The following VPS45 variants were observed in gnomAD, a reference collection of about 807,000 sequenced individuals.
The protein encoded by VPS45 is vacuolar protein sorting 45 homolog, also known as vacuolar protein sorting-associated protein 45.
VPS45 carries 35 observed loss-of-function variants against 75.9 expected under a neutral mutation model. The ratio of observed to expected loss-of-function variants is 0.46; its 90% confidence interval spans 0.35 to 0.61. The LOEUF (loss-of-function observed/expected upper bound fraction) is 0.61, where lower values mean the gene tolerates loss of function less well. Among genes scored for constraint, VPS45 ranks in the 20% least tolerant of loss-of-function variants. The probability of loss-of-function intolerance (pLI) is 0.00; values close to 1 mark genes in which losing one functional copy is unlikely to be tolerated. For synonymous variants in VPS45, 220 were observed against 238.2 expected, an observed-to-expected ratio of 0.92 and a Z score of 0.70; for missense variants, 559 against 685.9, an observed-to-expected ratio of 0.81 and a Z score of 2.07.
chr1:150,095,308 G>C (rs1433467313), intron 13 of VPS45, among the ~76,000 whole-genome samples: 1 of 152,126 alleles, frequency 6.6e-6, no homozygotes, highest in Non-Finnish European at 1.5e-5. Context: ...TTTAAGATGA[G>C]CTTTGAGTCA....
At chr1:150,139,465 A>G (rs1553814691) in intron 14 of VPS45, among the ~76,000 whole-genome samples, 1 of 152,018 alleles carries the variant, frequency 6.6e-6, no homozygotes, top group Non-Finnish European at 1.5e-5. Context: ...TTCCTTGGGT[A>G]CTAGTTTTTG....
At chr1:150,114,450 A>G (rs1553807834) in intron 14 of VPS45, among the ~76,000 whole-genome samples, 1 of 138,266 alleles carries the variant, frequency 7.2e-6, no homozygotes, top group Non-Finnish European at 1.5e-5. Flanking sequence ...CCTGGGCAAC[A>G]GAGCAAAACA....
intron 2 of VPS45, among the ~76,000 whole-genome samples, chr1:150,071,249 A>G (rs1455107666): frequency 2.0e-5 from 3 of 152,170 alleles, no homozygotes; most frequent in Non-Finnish European, 4.4e-5. Context: ...ATCTTATGTA[A>G]TTGGAATCTT....
In VPS45 at chr1:150,067,852, G is replaced by T. The variant is rs370949666; in HGVS notation, c.-6G>T. On this transcript the variant is annotated 5_prime_UTR_variant, in exon 1 of 15. Transcript: ENST00000644510. ...AGGGCTGTAGGGTACTTGTCAATTCGCCGCCATGAACGTGGTTTTTGCTGT... is the reference window on the plus strand; with the variant it reads ...AGGGCTGTAGGGTACTTGTCAATTCTCCGCCATGAACGTGGTTTTTGCTGT... 132 of 1,613,818 alleles carry T rather than the reference G, an allele frequency of 8.2e-5. No homozygotes were observed. The highest frequency in any genetic ancestry group is 1.1e-4 in the Non-Finnish European group (125 of 1,179,890).
intron 14 of VPS45, among the ~76,000 whole-genome samples, chr1:150,114,572 C>G (rs1657821975): frequency 2.6e-5 from 1 of 38,682 alleles, no homozygotes; most frequent in Non-Finnish European, 4.4e-5. Flanking sequence ...TAGAGTGACT[C>G]TGTTTCTAAA....
intron 12 of VPS45, among the ~76,000 whole-genome samples, chr1:150,093,070 A>T (rs955256327): frequency 6.6e-6 from 1 of 151,412 alleles, no homozygotes; most frequent in African/African-American, 2.4e-5. Flanking sequence ...ATGGTCTCGA[A>T]CTCCTGACCT....
At chr1:150,097,786 A>G (rs1553803346) in intron 13 of VPS45, among the ~76,000 whole-genome samples, 1 of 152,002 alleles carries the variant, frequency 6.6e-6, no homozygotes, top group East Asian at 1.9e-4. Context: ...ATACATATGT[A>G]TGTATATTAT....
At chr1:150,092,252 T>C (rs782805840) in intron 11 of VPS45, 50 bp from the exon 12 acceptor site, 9 of 1,568,654 alleles carry the variant, frequency 5.7e-6, no homozygotes, top group Non-Finnish European at 6.9e-6. Flanking sequence ...TCTTATGAAA[T>C]GGGCTTCCTG....
At chr1:150,126,090 T>G (rs587667833) in intron 14 of VPS45, among the ~76,000 whole-genome samples, 30 of 152,286 alleles carry the variant, frequency 2.0e-4, no homozygotes, top group East Asian at 1.5e-3. Flanking sequence ...AAACGTATAG[T>G]GAGGCAGTCT....
At chr1:150,078,342 A>G (rs1292757686) in intron 7 of VPS45, among the ~76,000 whole-genome samples, 2 of 152,198 alleles carry the variant, frequency 1.3e-5, no homozygotes, top group Non-Finnish European at 2.9e-5. Context: ...AGAGTTCACC[A>G]CTTACATAGA....
chr1:150,135,905 C>T (rs1659056096), intron 14 of VPS45, among the ~76,000 whole-genome samples: 1 of 151,578 alleles, frequency 6.6e-6, no homozygotes, highest in Non-Finnish European at 1.5e-5. Context: ...TCCCAAAGTG[C>T]TGGGATTACA....
intron 13 of VPS45, among the ~76,000 whole-genome samples, chr1:150,103,649 T>TA (rs1414150338): frequency 1.3e-5 from 2 of 152,214 alleles, no homozygotes; most frequent in African/African-American, 4.8e-5. Context: ...AGTGTTCTCT[T>TA]ACTATGCTAA....
At chr1:150,143,506 T>C (rs1334543453) in intron 14 of VPS45, among the ~76,000 whole-genome samples, 1 of 151,542 alleles carries the variant, frequency 6.6e-6, no homozygotes, top group African/African-American at 2.4e-5. Flanking sequence ...GAGAATCGTT[T>C]GAACCTGGGA....
chr1:150,070,035 C>G (rs1286127989), intron 2 of VPS45, among the ~76,000 whole-genome samples: 3 of 152,054 alleles, frequency 2.0e-5, no homozygotes, highest in African/African-American at 7.3e-5. Flanking sequence ...CGCTATATTC[C>G]CCTTGTCCCG....
At chr1:150,072,256 T>C in intron 3 of VPS45, 30 bp downstream of exon 3, 2 of 1,504,574 alleles carry the variant, frequency 1.3e-6, no homozygotes, top group Non-Finnish European at 1.8e-6. Flanking sequence ...TTTTCAAACA[T>C]GTAACAACAT....
intron 14 of VPS45, among the ~76,000 whole-genome samples, chr1:150,113,916 A>T (rs1553807724): frequency 1.3e-5 from 2 of 152,070 alleles, no homozygotes; most frequent in Non-Finnish European, 2.9e-5. Context: ...GAAGAAGAAG[A>T]AGAAGAAATA....
intron 13 of VPS45, among the ~76,000 whole-genome samples, chr1:150,095,354 C>A (rs893468335): frequency 6.6e-6 from 1 of 152,184 alleles, no homozygotes; most frequent in Non-Finnish European, 1.5e-5. Flanking sequence ...TGGCTCACGC[C>A]TGTAATCCCA....
chr1:150,073,324 G>A (rs782495647), intron 3 of VPS45, among the ~76,000 whole-genome samples: 5 of 152,048 alleles, frequency 3.3e-5, no homozygotes, highest in Non-Finnish European at 5.9e-5. Context: ...AGTCTAAGAC[G>A]TACATACTTT....
intron 14 of VPS45, among the ~76,000 whole-genome samples, chr1:150,124,024 C>T (rs1658374145): frequency 6.6e-6 from 1 of 152,092 alleles, no homozygotes; most frequent in Non-Finnish European, 1.5e-5. Context: ...TCCAACTAAG[C>T]CCTCATTAGC....
Sources: allele counts gnomAD v4.1 joint callset (sites outside exome capture counted in the v4.1 genomes callset), GRCh38; gene constraint gnomAD v4.1.1; transcripts MANE v1.5; gene names NCBI Gene and HGNC (gene_info 2026-07-23, HGNC 2026-07-21).